The following CELF1 variants were observed in gnomAD, a reference collection of about 807,000 sequenced individuals.
CELF1 encodes the protein 50 kDa nuclear polyadenylated RNA-binding protein.
CELF1 carries 10 observed loss-of-function variants against 61.8 expected under a neutral mutation model. The ratio of observed to expected loss-of-function variants is 0.16; its 90% CI spans 0.10 to 0.27. The LOEUF is 0.27. CELF1 is among the 10% of genes least tolerant of loss of function. The pLI is 1.00. For missense variants in CELF1, 380 were observed against 639.1 expected (o/e 0.59, Z 4.37); for synonymous variants, 236 against 225.1 (o/e 1.05, Z -0.43).
intron 1 of CELF1, among the ~76,000 whole-genome samples, chr11:47,508,072 A>C (rs116542360): frequency 6.6e-6 from 1 of 152,190 alleles, no homozygotes; most frequent in African/African-American, 2.4e-5. Flanking sequence ...TCAGATGCTA[A>C]GGAAGATAAC....
At chr11:47,510,103 G>A (rs914364686) in intron 1 of CELF1, among the ~76,000 whole-genome samples, 5 of 151,948 alleles carry the variant, frequency 3.3e-5, no homozygotes, top group Admixed American at 3.3e-4. Context: ...AGAGTGGTGA[G>A]AGCAAGATGA....
intron 1 of CELF1, among the ~76,000 whole-genome samples, chr11:47,544,686 G>A (rs933145867): frequency 6.6e-6 from 1 of 152,040 alleles, no homozygotes; most frequent in Non-Finnish European, 1.5e-5. Flanking sequence ...ACGTGTTCTG[G>A]TAACTATAGG....
intron 1 of CELF1, among the ~76,000 whole-genome samples, chr11:47,522,036 G>A (rs1237389456): frequency 1.3e-5 from 2 of 151,658 alleles, no homozygotes; most frequent in Admixed American, 1.3e-4. Context: ...TCAGCCTCCC[G>A]AGTAGCTGGG....
intron 12 of CELF1, among the ~76,000 whole-genome samples, 161 bp downstream of exon 12, chr11:47,476,685 C>CA (rs1286791540): frequency 1.3e-5 from 2 of 152,188 alleles, no homozygotes. Context: ...CTTGACCTCC[C>CA]AAAGTGCTGG....
intron 2 of CELF1, 30 bp downstream of exon 2, chr11:47,500,831 T>C: frequency 2.5e-6 from 1 of 398,542 alleles, no homozygotes; most frequent in Non-Finnish European, 4.4e-6. Context: ...ACAGGCTTTC[T>C]TTCCATTTTT....
At chr11:47,489,952 T>TTTTTTTTTTTTTTTTTTTC in intron 3 of CELF1, among the ~76,000 whole-genome samples, 1 of 137,290 alleles carries the variant, frequency 7.3e-6, no homozygotes, top group Non-Finnish European at 1.6e-5. Flanking sequence ...TTTTTTTTTT[T>TTTTTTTTTTTTTTTTTTTC]TTTGAGACGG....
intron 3 of CELF1, among the ~76,000 whole-genome samples, chr11:47,489,935 G>GTTGTTTTTTTTTTTTTTT (rs1555170252): frequency 2.1e-5 from 1 of 48,226 alleles, no homozygotes; most frequent in Non-Finnish European, 3.9e-5. Flanking sequence ...ATACCATCTT[G>GTTGTTTTTTTTTTTTTTT]TTTTTTTTTT....
intron 1 of CELF1, among the ~76,000 whole-genome samples, chr11:47,519,736 G>A (rs965519936): frequency 5.9e-5 from 9 of 151,822 alleles, no homozygotes; most frequent in Non-Finnish European, 2.9e-5. Flanking sequence ...GGTCGTGGGC[G>A]CCTGTAGTCC....
chr11:47,542,811 A>G (rs1017251650), intron 1 of CELF1, among the ~76,000 whole-genome samples: 23 of 151,958 alleles, frequency 1.5e-4, no homozygotes, highest in African/African-American at 5.6e-4. Flanking sequence ...CAACATATCA[A>G]CAGGGCTGGA....
intron 1 of CELF1, among the ~76,000 whole-genome samples, chr11:47,552,744 G>A (rs1470462434): frequency 1.3e-5 from 2 of 152,310 alleles, no homozygotes; most frequent in South Asian, 2.1e-4. Context: ...GCCACGAGGA[G>A]GGCGGGTCTC....
chr11:47,489,640 C>T (rs769611355), intron 3 of CELF1, among the ~76,000 whole-genome samples: 3 of 152,070 alleles, frequency 2.0e-5, no homozygotes, highest in Non-Finnish European at 4.4e-5. Context: ...GATGATTGTG[C>T]GATGAACATA....
chr11:47,532,305 C>T (rs893920483), intron 1 of CELF1, among the ~76,000 whole-genome samples: 1 of 152,156 alleles, frequency 6.6e-6, no homozygotes, highest in Non-Finnish European at 1.5e-5. Context: ...GGATTACAGG[C>T]GTGAGCCACC....
chr11:47,551,183 A>G (rs1260838500), intron 1 of CELF1, among the ~76,000 whole-genome samples: 1 of 152,194 alleles, frequency 6.6e-6, no homozygotes, highest in Non-Finnish European at 1.5e-5. Context: ...AAGTCTAGAT[A>G]GCACAATCTC....
chr11:47,529,576 T>G (rs1363477802), intron 1 of CELF1, among the ~76,000 whole-genome samples: 2 of 152,044 alleles, frequency 1.3e-5, no homozygotes, highest in African/African-American at 4.8e-5. Context: ...GGAGAATCAT[T>G]TGAACCCAGG....
upstream of CELF1, among the ~76,000 whole-genome samples, chr11:47,557,102 G>T (rs1227196655): frequency 1.3e-5 from 2 of 151,960 alleles, no homozygotes; most frequent in Non-Finnish European, 2.9e-5. Context: ...GTTTCCCCAT[G>T]TTGGTCAGGT....
chr11:47,543,707 G>A (rs1479715288), intron 1 of CELF1, among the ~76,000 whole-genome samples: 1 of 152,018 alleles, frequency 6.6e-6, no homozygotes, highest in African/African-American at 2.4e-5. Context: ...TCAAGAGTTT[G>A]CACCAGTTTG....
intron 1 of CELF1, among the ~76,000 whole-genome samples, chr11:47,547,657 G>A (rs1309549568): frequency 5.8e-5 from 7 of 121,340 alleles, no homozygotes; most frequent in Admixed American, 4.2e-4. Flanking sequence ...CGACAAGAGC[G>A]AAACTCCATC....
intron 2 of CELF1, among the ~76,000 whole-genome samples, chr11:47,564,171 C>CAAAAAAAAAAAA (rs779009192): frequency 1.3e-3 from 84 of 62,374 alleles, no homozygotes; most frequent in South Asian, 2.2e-3. Flanking sequence ...ACTAAAAATA[C>CAAAAAAAAAAAA]AAAAAAAAAA....
At chr11:47,473,887 C>T (rs2078797949) in intron 13 of CELF1, among the ~76,000 whole-genome samples, 2 of 151,602 alleles carry the variant, frequency 1.3e-5, no homozygotes, top group South Asian at 4.2e-4. Context: ...TGACTATTTA[C>T]ACTCAATGAT....
Sources: allele counts gnomAD v4.1 joint callset (sites outside exome capture counted in the v4.1 genomes callset), GRCh38; gene constraint gnomAD v4.1.1; transcripts MANE v1.5; gene names NCBI Gene and HGNC (gene_info 2026-07-23, HGNC 2026-07-21).